The following PPP2R5B variants were observed in gnomAD, a reference collection of about 807,000 sequenced individuals.
PPP2R5B encodes the protein protein phosphatase 2 regulatory subunit B'beta.
Under a neutral mutation model 59.9 loss-of-function variants are expected in PPP2R5B, and 19 were observed. That is an observed-to-expected ratio of 0.32 (90% confidence interval 0.22 to 0.47). PPP2R5B has a LOEUF of 0.47. PPP2R5B is among the 20% of genes least tolerant of loss of function. The probability of loss-of-function intolerance (pLI) is 1.00; values close to 1 mark genes in which losing one functional copy is unlikely to be tolerated. For synonymous variants in PPP2R5B, 286 were observed against 260.5 expected (o/e 1.10, Z -0.94); for missense variants, 441 against 640.2 (o/e 0.69, Z 3.36).
chr11:64,919,006 G>A (rs1236789281), intron 1 of PPP2R5B, among the ~76,000 whole-genome samples: 1 of 152,148 alleles, frequency 6.6e-6, no homozygotes, highest in Non-Finnish European at 1.5e-5. Flanking sequence ...GGAAGGAGCA[G>A]GCTCCATTCA....
chr11:64,926,706 C>A lies in PPP2R5B; in HGVS notation c.200-6C>A. 6.2e-7 allele frequency: 1 copy of A among 1,613,718 alleles called. No homozygotes were observed. The highest frequency in any genetic ancestry group is 1.1e-5 in the South Asian group (1 of 91,064). On this transcript the variant is annotated splice_region_variant and splice_polypyrimidine_tract_variant and intron_variant, in intron 2 of 13. Coordinates refer to ENST00000164133, the MANE Select transcript of PPP2R5B (RefSeq NM_006244.4). ...GCCCAGGCCCAGGATGCCCTCTCCTCCCCAGATGTGCCGGCTTCCGAGCTG... is the reference window on the plus strand; with the variant it reads ...GCCCAGGCCCAGGATGCCCTCTCCTACCCAGATGTGCCGGCTTCCGAGCTG...
At chr11:64,932,011 A>G in intron 11 of PPP2R5B, 143 bp downstream of exon 11, 1 of 1,357,942 alleles carries the variant, frequency 7.4e-7, no homozygotes, top group Admixed American at 2.5e-5. Context: ...GGGTCAGGAG[A>G]CCTAGGGTGA....
rs763302246 is a variant in PPP2R5B, at chr11:64,927,816, C to T, written c.411C>T (p.Ile137=). ...PDIIRMISVN[I]FRTLPPSENP... ...CTGCCACTCAGATCTCAGTGAATAT[C>T]TTCCGGACTCTGCCGCCCAGTGAGA... The change falls in exon 4 of 14, where the codon ATC becomes ATT. Residue 137 remains isoleucine, a synonymous_variant. Transcript: ENST00000164133. The T allele has an allele frequency of 6.2e-7, 1 of 1,607,656 alleles. No individual in the cohort carries two copies. The highest frequency in any genetic ancestry group is 1.1e-5 in the South Asian group (1 of 90,932).
At chr11:64,926,542 GAGGA>G (rs903189218) in intron 2 of PPP2R5B, among the ~76,000 whole-genome samples, 166 bp from the exon 3 acceptor site, 2 of 152,258 alleles carry the variant, frequency 1.3e-5, no homozygotes, top group Non-Finnish European at 2.9e-5. Context: ...CCCAGGAATG[GAGGA>G]AGGGACAGTA....
intron 3 of PPP2R5B, 79 bp downstream of exon 3, chr11:64,926,987 G>T (rs915583815): frequency 1.3e-5 from 20 of 1,499,476 alleles, no homozygotes; most frequent in Middle Eastern, 2.3e-4. Context: ...GGACCCCTGC[G>T]TGGAGAATAA....
In PPP2R5B at chr11:64,926,785, G is replaced by C; in HGVS notation, c.273G>C (p.Leu91Phe). The C allele has an allele frequency of 6.2e-7, 1 of 1,614,204 alleles. No individual in the cohort carries two copies. Among genetic ancestry groups the C allele is most frequent in the Non-Finnish European group, 8.5e-7 (1 of 1,180,030 alleles). The change falls in exon 3 of 14, where the codon TTG becomes TTC. Residue 91 changes from leucine (L) to phenylalanine (F), a missense_variant. This residue lies in a region of PPP2R5B where 268 missense variants were observed against 488.1 expected (regional missense o/e 0.55). Transcript: ENST00000164133. Reference protein sequence around the residue: ...LAQCGVMFDFLDCVADLKGKE... With the variant: ...LAQCGVMFDFFDCVADLKGKE... ...AGTGTGGGGTGATGTTTGACTTCTT[G>C]GACTGTGTGGCCGACCTCAAGGGGA...
rs368200752 is a variant in PPP2R5B at position 64,930,577 on chromosome 11, C to A, written c.879C>A (p.Val293=). The A allele has an allele frequency of 6.2e-7, 1 of 1,613,972 alleles. No individual in the cohort carries two copies. Among genetic ancestry groups the A allele is most frequent in the Non-Finnish European group, 8.5e-7 (1 of 1,179,818 alleles). ...TGCACTCTGTCAAGTCGCTGTCTGT[C>A]TTCCATGCCCAGGTGAGGCCCAGGC... The part of the protein sequence containing the change: ...IPLHSVKSLS[V]FHAQLAYCVV... Residue 293 remains valine (V), a synonymous_variant, in exon 8 of 14, where the codon GTC becomes GTA. Coordinates refer to ENST00000164133, the MANE Select transcript of PPP2R5B (RefSeq NM_006244.4).
intron 12 of PPP2R5B, 119 bp downstream of exon 12, chr11:64,933,011 A>T: frequency 6.6e-7 from 1 of 1,525,562 alleles, no homozygotes; most frequent in Non-Finnish European, 9.0e-7. Context: ...AAGATGGCCC[A>T]GGGGTGGTGA....
chr11:64,929,311 C>T (rs185226224), intron 6 of PPP2R5B, among the ~76,000 whole-genome samples: 123 of 152,362 alleles, frequency 8.1e-4, no homozygotes, highest in Non-Finnish European at 1.5e-3. Context: ...TCAAGGCTCA[C>T]GTGGCCTTGT....
At chr11:64,928,008 G>A (rs1219845889) in intron 4 of PPP2R5B, 58 bp from the exon 5 acceptor site, 2 of 1,580,190 alleles carry the variant, frequency 1.3e-6, no homozygotes, top group African/African-American at 1.3e-5. Context: ...GCCATAGGGT[G>A]GAATGAGTGG....
chr11:64,927,992 A>G, intron 4 of PPP2R5B, 74 bp from the exon 5 acceptor site: 2 of 1,570,024 alleles, frequency 1.3e-6, no homozygotes, highest in Non-Finnish European at 1.8e-6. Context: ...AGACAGTTGG[A>G]TGAGGGCCAT....
chr11:64,933,828 G>A lies in PPP2R5B; in HGVS notation c.1478G>A (p.Ser493Asn). 1 of 1,547,588 alleles carries A rather than the reference G, an allele frequency of 6.5e-7. No individual in the cohort carries two copies. ...CGGCTTACACCCCAGGTGGCCGCCA[G>A]TGGGGGTCAGAGCTAGACAGCACCT... ...LQRLTPQVAA[S>N]GGQS is the part of the protein sequence containing the mutation. The change falls in exon 14 of 14, where the codon AGT (serine) becomes AAT (asparagine). Residue 493 changes from serine (S) to asparagine (N), a missense_variant. This residue lies in a region of PPP2R5B where 70 missense variants were observed against 64.2 expected (regional missense o/e 1.09). Coordinates refer to ENST00000164133, the MANE Select transcript of PPP2R5B (RefSeq NM_006244.4).
In PPP2R5B at chr11:64,926,525, C is replaced by T. The variant is rs528774268; in HGVS notation, c.200-187C>T. 2.0e-5 allele frequency among the ~76,000 whole-genome samples: 3 copies of T among 152,352 alleles called. No homozygotes were observed. The South Asian group carries it at 6.2e-4, about 32-fold the overall frequency. The stretch of plus-strand genomic sequence containing the variant: ...TGGATTAGGAGGAAGAAAAGCAACC[C>T]TCAACCCCCAGGAATGGAGGAAGGG... On this transcript the variant is annotated intron_variant, in intron 2 of 13. Transcript: ENST00000164133.
In PPP2R5B at chr11:64,931,490, G is replaced by A; in HGVS notation, c.945+1G>A. 1.2e-6 allele frequency: 2 copies of A among 1,614,092 alleles called. No individual in the cohort carries two copies. The highest frequency in any genetic ancestry group is 1.7e-6 in the Non-Finnish European group (2 of 1,179,974). On this transcript the variant is annotated splice_donor_variant, in intron 9 of 13. Coordinates refer to ENST00000164133, the MANE Select transcript of PPP2R5B (RefSeq NM_006244.4). LOFTEE classifies it high-confidence loss of function. This position sits in a 1 kb window ranked among gnomAD's most constrained non-coding sequence, Gnocchi z 5.0. The stretch of plus-strand genomic sequence containing the variant: ...GAAGGATGCCACTCTGACAGAGCAC[G>A]TGAGTACCTCTGGGGGCTAAGGCAG...
chr11:64,925,776 C>G lies in PPP2R5B; in HGVS notation c.42C>G (p.Pro14=), dbSNP rs767122814. ...CCCCTGCAAGCACCCCCACTAGCCC[C>G]TCCTCCCCCGGGCTGTCGCCTGTGC... is the stretch of plus-strand genomic sequence containing the variant. ...KLPPASTPTS[P]SSPGLSPVPP... Residue 14 remains proline, a synonymous_variant, in exon 2 of 14, where the codon CCC becomes CCG. Transcript: ENST00000164133. This position sits in a 1 kb window ranked among gnomAD's most constrained non-coding sequence, Gnocchi z 4.6. 1 of 1,589,512 alleles carries G rather than the reference C, an allele frequency of 6.3e-7. No individual in the cohort carries two copies. The highest frequency in any genetic ancestry group is 1.1e-5 in the South Asian group (1 of 89,240).
chr11:64,919,463 G>C (rs909071548), intron 1 of PPP2R5B, among the ~76,000 whole-genome samples: 1 of 151,932 alleles, frequency 6.6e-6, no homozygotes, highest in East Asian at 1.9e-4. Context: ...AATATACCGG[G>C]TTGGGTTGCT....
At chr11:64,921,009 C>T (rs1341968940), upstream of PPP2R5B, among the ~76,000 whole-genome samples, 3 of 149,598 alleles carry the variant, frequency 2.0e-5, no homozygotes, top group Non-Finnish European at 3.0e-5. Flanking sequence ...GGCTGGAGTA[C>T]AGGGGCATGA....
rs773432354 is a variant in PPP2R5B at position 64,925,675 on chromosome 11, C to G, written c.-60C>G. 14 of 1,000,286 alleles carry G rather than the reference C, an allele frequency of 1.4e-5. No homozygotes were observed. In the Admixed American group the frequency reaches 2.8e-4, roughly 20 times the overall value. The allele number at this position is 1,000,286 out of a possible 1,614,324, so 62.0% of individuals were successfully genotyped here. A position where few individuals can be genotyped will look rare whatever the true frequency, so the allele number is the denominator to read the frequency against. On this transcript the variant is annotated 5_prime_UTR_variant, in exon 2 of 14. Coordinates refer to ENST00000164133, the MANE Select transcript of PPP2R5B (RefSeq NM_006244.4). The surrounding 1 kb of genome is among the most constrained non-coding windows in gnomAD (Gnocchi z 4.6). ...TTAGTCTGTCCAGTCTCACCCAGCA[C>G]CTCCCAGGCCCAGAGAGAACCCCCG...
At chr11:64,922,984 G>A (rs1257722270), upstream of PPP2R5B, 1 of 151,818 alleles carries the variant, frequency 6.6e-6, no homozygotes, top group East Asian at 1.9e-4. Context: ...TTGTTTTTGA[G>A]ACAGGGTCTC....
Sources: gnomAD v4.1 joint callset for allele counts (sites outside exome capture counted in the v4.1 genomes callset) on GRCh38, gnomAD v4.1.1 for gene constraint, gnomAD v4.1.1 regional missense constraint, Gnocchi (gnomAD v3.1) non-coding constraint, MANE v1.5 for transcripts, NCBI Gene and HGNC (gene_info 2026-07-23, HGNC 2026-07-21) for gene names.